PRKCA: variants seen among roughly 807,000 people sequenced by gnomAD.
The protein encoded by PRKCA is protein kinase C alpha type.
A neutral mutation model predicts 87.0 loss-of-function variants in PRKCA; 27 were observed. The observed-to-expected ratio is 0.31, with a 90% CI of 0.23 to 0.43. The LOEUF (loss-of-function observed/expected upper bound fraction) is 0.43, where lower values mean the gene tolerates loss of function less well. Among genes scored for constraint, PRKCA ranks in the 20% least tolerant of loss-of-function variants. The pLI is 1.00. For synonymous variants in PRKCA, 329 were observed against 311.1 expected, an observed-to-expected ratio of 1.06 and a Z score of -0.61; for missense variants, 518 against 852.3, an observed-to-expected ratio of 0.61 and a Z score of 4.88.
In PRKCA at chr17:66,404,830, A is replaced by T. The variant is rs184313879; in HGVS notation, c.206-91371A>T. Reference sequence around the variant, plus strand: ...AGTGGCACGATCTCGGCTCACTGCAACCTCTGTCTCCTGGGTTCAAGCATT... The same window carrying T: ...AGTGGCACGATCTCGGCTCACTGCATCCTCTGTCTCCTGGGTTCAAGCATT... On this transcript the variant is annotated intron_variant, in intron 2 of 16. Transcript: ENST00000413366. Among the ~76,000 whole-genome samples the T allele has an allele frequency of 9.7e-3, 1,326 of 137,378 alleles. 37 individuals are homozygous for T. Among genetic ancestry groups the T allele is most frequent in the Admixed American group, 0.076 (937 of 12,300 alleles). 90.1% of individuals were successfully genotyped at this position (137,378 alleles called of 152,430 possible). A position where few individuals can be genotyped will look rare whatever the true frequency, so the allele number is the denominator to read the frequency against.
intron 2 of PRKCA, among the ~76,000 whole-genome samples, chr17:66,354,723 C>G (rs114104137): frequency 2.6e-5 from 4 of 151,972 alleles, no homozygotes; most frequent in African/African-American, 4.8e-5. Context: ...TTTCTCCAGC[C>G]GAGAAGCAGC....
chr17:66,376,789 G>A (rs911823508), intron 2 of PRKCA, among the ~76,000 whole-genome samples: 2 of 152,002 alleles, frequency 1.3e-5, no homozygotes, highest in Non-Finnish European at 2.9e-5. Flanking sequence ...AGGATGGGTG[G>A]GGGTCCCCAT....
At chr17:66,395,513 A>G (rs1280375482) in intron 2 of PRKCA, among the ~76,000 whole-genome samples, 1 of 152,190 alleles carries the variant, frequency 6.6e-6, no homozygotes, top group Non-Finnish European at 1.5e-5. Context: ...CAGTAGGCAC[A>G]CTTGGCTAGT....
chr17:66,362,054 A>G (rs896523303), intron 2 of PRKCA, among the ~76,000 whole-genome samples: 2 of 151,518 alleles, frequency 1.3e-5, no homozygotes, highest in Non-Finnish European at 2.9e-5. Flanking sequence ...TTCTTTTTTG[A>G]TACGGAGTTT....
intron 8 of PRKCA, among the ~76,000 whole-genome samples, chr17:66,695,825 A>G (rs1237149150): frequency 6.6e-6 from 1 of 152,250 alleles, no homozygotes; most frequent in Non-Finnish European, 1.5e-5. Context: ...ATGAAAAATG[A>G]TGTCCCATTA....
intron 2 of PRKCA, among the ~76,000 whole-genome samples, chr17:66,342,557 G>A (rs1421444385): frequency 2.0e-5 from 3 of 151,508 alleles, no homozygotes; most frequent in Admixed American, 1.3e-4. Context: ...TATAACTAAT[G>A]CCAAGCAAGG....
chr17:66,602,756 T>C (rs891331055), intron 3 of PRKCA, among the ~76,000 whole-genome samples: 1 of 152,196 alleles, frequency 6.6e-6, no homozygotes, highest in Non-Finnish European at 1.5e-5. Flanking sequence ...GTTCTGGCTC[T>C]GATGCTACAG....
intron 3 of PRKCA, among the ~76,000 whole-genome samples, chr17:66,633,727 AC>A (rs1441922659): frequency 6.6e-6 from 1 of 152,126 alleles, no homozygotes; most frequent in Non-Finnish European, 1.5e-5. Flanking sequence ...TCTAACCAAA[AC>A]CCTGCCATTA....
At chr17:66,437,720 C>T (rs1598670657) in intron 2 of PRKCA, among the ~76,000 whole-genome samples, 3 of 32,816 alleles carry the variant, frequency 9.1e-5, no homozygotes, top group African/African-American at 1.4e-4. Context: ...TTCAAGTTTC[C>T]TTTTTTTTTT....
At position 66,563,432 on chromosome 17, in the gene PRKCA, T is replaced by A. The variant is rs549782817; in HGVS notation, c.288+67149T>A. ...AGTTGAAGTCATGCAGTATGTAGCC[T>A]GTTCAGATTGGCTTCTTTCACTTAG... is the stretch of plus-strand genomic sequence containing the variant. On this transcript the variant is annotated intron_variant, in intron 3 of 16. Coordinates refer to ENST00000413366, the MANE Select transcript of PRKCA (RefSeq NM_002737.3). Among the ~76,000 whole-genome samples the A allele has an allele frequency of 5.9e-5, 9 of 152,358 alleles. No homozygotes were observed. The East Asian group carries it at 1.7e-3, about 29-fold the overall frequency.
chr17:66,602,904 GT>G (rs1970093118), intron 3 of PRKCA, among the ~76,000 whole-genome samples: 1 of 152,196 alleles, frequency 6.6e-6, no homozygotes, highest in Non-Finnish European at 1.5e-5. Flanking sequence ...TTCCGGGGCG[GT>G]AACCGGGGAT....
intron 3 of PRKCA, among the ~76,000 whole-genome samples, chr17:66,559,479 CAAAAAAAA>C (rs34998780): frequency 1.6e-4 from 6 of 36,722 alleles, no homozygotes; most frequent in African/African-American, 6.5e-4. Context: ...TCTGTCTCAC[CAAAAAAAA>C]AAAAAAAAAA....
intron 3 of PRKCA, among the ~76,000 whole-genome samples, chr17:66,595,463 C>CTTTTT (rs374376124): frequency 8.6e-6 from 1 of 116,556 alleles, no homozygotes; most frequent in Non-Finnish European, 1.7e-5. Flanking sequence ...TCTTTTCCTT[C>CTTTTT]TTTTTTTTTT....
intron 3 of PRKCA, among the ~76,000 whole-genome samples, chr17:66,559,580 C>T (rs557167791): frequency 6.7e-5 from 10 of 148,716 alleles, no homozygotes; most frequent in East Asian, 4.0e-4. Flanking sequence ...TACAAAGACA[C>T]GCAGCCGGTG....
intron 3 of PRKCA, among the ~76,000 whole-genome samples, chr17:66,516,637 A>AT (rs1160839771): frequency 1.3e-5 from 2 of 152,110 alleles, no homozygotes; most frequent in African/African-American, 4.8e-5. Context: ...TGTCTAAAAA[A>AT]AAAAAGAATA....
chr17:66,545,647 G>A (rs1320052977), intron 3 of PRKCA, among the ~76,000 whole-genome samples: 1 of 152,082 alleles, frequency 6.6e-6, no homozygotes, highest in Non-Finnish European at 1.5e-5. Context: ...GTCAATATCA[G>A]TTTTTGTGGC....
chr17:66,679,124 A>C (rs1972417054), intron 5 of PRKCA, among the ~76,000 whole-genome samples: 1 of 151,308 alleles, frequency 6.6e-6, no homozygotes. Context: ...CAGTGTACTA[A>C]GAGGTTTATT....
chr17:66,399,100 C>CTTTTCTTTTTTTTTTTTT (rs1555598364), intron 2 of PRKCA, among the ~76,000 whole-genome samples: 1 of 117,292 alleles, frequency 8.5e-6, no homozygotes, highest in African/African-American at 3.2e-5. Flanking sequence ...CTTTTCTTTT[C>CTTTTCTTTTTTTTTTTTT]TTTTTTTTTT....
chr17:66,743,167 A>G (rs1016149546), intron 13 of PRKCA, among the ~76,000 whole-genome samples: 1 of 152,182 alleles, frequency 6.6e-6, no homozygotes, highest in Admixed American at 6.5e-5. Flanking sequence ...CATCTCTACT[A>G]AAAATACAAA....
Sources: allele counts gnomAD v4.1 joint callset (sites outside exome capture counted in the v4.1 genomes callset), GRCh38; gene constraint gnomAD v4.1.1; transcripts MANE v1.5; gene names NCBI Gene and HGNC (gene_info 2026-07-23, HGNC 2026-07-21).